Variants in SMPD2 observed in about 807,000 individuals in gnomAD.
SMPD2 encodes the protein N-SMase.
In SMPD2, 35 loss-of-function variants were observed where a neutral mutation model predicts 41.7. That is an observed-to-expected ratio of 0.84 (90% confidence interval 0.64 to 1.11). SMPD2 has a LOEUF of 1.11. Ranked by LOEUF, SMPD2 falls within the 50% of genes most tolerant of loss-of-function variation. The pLI, the probability that SMPD2 is intolerant of heterozygous loss-of-function variation, is 0.00. For synonymous variants in SMPD2, 201 were observed against 208.2 expected, an observed-to-expected ratio of 0.97 and a Z score of 0.30; for missense variants, 520 against 524.8, an observed-to-expected ratio of 0.99 and a Z score of 0.09.
Position 109,441,473 on chromosome 6 carries a change from T to A in SMPD2, c.147+20T>A. ...GAGGAGGTGAGATTGTGCAGCACGG[T>A]GCGGAACCCAGGCTGGGAGGAGGGA... On this transcript the variant is annotated intron_variant, in intron 2 of 9. Coordinates refer to ENST00000258052, the MANE Select transcript of SMPD2 (RefSeq NM_003080.3). 1.9e-6 allele frequency: 3 copies of A among 1,612,666 alleles called. No homozygotes were observed. Among genetic ancestry groups the A allele is most frequent in the Non-Finnish European group, 2.5e-6 (3 of 1,178,698 alleles).
chr6:109,441,711 C>A, intron 3 of SMPD2, 83 bp downstream of exon 3: 1 of 1,202,886 alleles, frequency 8.3e-7, no homozygotes, highest in Non-Finnish European at 1.2e-6. Context: ...TGCCTGCACT[C>A]TCCAGTCTCC....
At position 109,443,630 on chromosome 6, in the gene SMPD2, C is replaced by T. The variant is rs1775055658; in HGVS notation, c.997C>T (p.Leu333=). ...WATFASYVIG[L]GLLLLALLCV... ...CACCTTCGCTAGCTATGTGATTGGC[C>T]TGGGGCTGCTTCTCCTGGCACTGCT... Residue 333 remains leucine (L), a synonymous_variant, in exon 10 of 10, where the codon CTG becomes TTG. Coordinates refer to ENST00000258052, the MANE Select transcript of SMPD2 (RefSeq NM_003080.3). The T allele has an allele frequency of 1.2e-6, 2 of 1,613,822 alleles. No individual in the cohort carries two copies. The highest frequency in any genetic ancestry group is 1.7e-6 in the Non-Finnish European group (2 of 1,179,952).
chr6:109,442,356 G>C (rs1165210853), intron 5 of SMPD2, 57 bp downstream of exon 5: 2 of 1,530,420 alleles, frequency 1.3e-6, no homozygotes, highest in Non-Finnish European at 1.8e-6. Context: ...CTGGGACAGA[G>C]AGATGGTACT....
At position 109,442,191 on chromosome 6, in the gene SMPD2, T is replaced by C. The variant is rs571906549; in HGVS notation, c.319-19T>C. 3.1e-6 allele frequency: 5 copies of C among 1,613,460 alleles called. No individual in the cohort carries two copies. In the South Asian group the frequency reaches 3.3e-5, roughly 11 times the overall value. ...AGATGGTGGCGGTGCCCTGAGTTTC[T>C]ATCTCCTCCTGCCTGCAGATCCATC... On this transcript the variant is annotated intron_variant, in intron 4 of 9. Coordinates refer to ENST00000258052, the MANE Select transcript of SMPD2 (RefSeq NM_003080.3).
intron 3 of SMPD2, 76 bp downstream of exon 3, chr6:109,441,704 C>T (rs2115314691): frequency 1.5e-6 from 2 of 1,336,948 alleles, no homozygotes; most frequent in Non-Finnish European, 2.2e-6. Flanking sequence ...CCTATCCTGC[C>T]TGCACTCTCC....
chr6:109,443,262 C>T lies in SMPD2; in HGVS notation c.730-5C>T. On this transcript the variant is annotated splice_polypyrimidine_tract_variant and splice_region_variant and intron_variant, in intron 8 of 9. Coordinates refer to ENST00000258052, the MANE Select transcript of SMPD2 (RefSeq NM_003080.3). ...AAGCTTCTCTCTGGCCCTTACTTTT[C>T]CTAGGCAGTTTCTGGGTTTTACATC... is the stretch of plus-strand genomic sequence containing the variant. The T allele has an allele frequency of 6.2e-7, 1 of 1,614,030 alleles. No individual in the cohort carries two copies. Among genetic ancestry groups the T allele is most frequent in the Non-Finnish European group, 8.5e-7 (1 of 1,179,944 alleles).
intron 1 of SMPD2, 81 bp downstream of exon 1, chr6:109,441,252 C>A: frequency 1.3e-6 from 2 of 1,593,292 alleles, no homozygotes; most frequent in Non-Finnish European, 1.7e-6. Context: ...TCCCGCCCCA[C>A]GATCTCAGGG....
Position 109,441,087 on chromosome 6 carries a change from T to G in SMPD2, c.-35T>G. ...CCCCACCGCGGCCGTCGCTGGAGAG[T>G]TCGAGCCGCCTAGCGCCCCTGGAGC... is the stretch of plus-strand genomic sequence containing the variant. On this transcript the variant is annotated 5_prime_UTR_variant, in exon 1 of 10. Transcript: ENST00000258052. 1 of 1,612,920 alleles carries G rather than the reference T, an allele frequency of 6.2e-7. No homozygotes were observed. The highest frequency in any genetic ancestry group is 8.5e-7 in the Non-Finnish European group (1 of 1,179,182).
chr6:109,441,697 A>C (rs1239513053), intron 3 of SMPD2, 69 bp downstream of exon 3: 9 of 1,401,594 alleles, frequency 6.4e-6, no homozygotes, highest in Non-Finnish European at 9.1e-6. Context: ...GCCCTTCCCT[A>C]TCCTGCCTGC....
chr6:109,441,857 A>T, intron 3 of SMPD2, 117 bp from the exon 4 acceptor site: 1 of 1,019,270 alleles, frequency 9.8e-7, no homozygotes, highest in Non-Finnish European at 1.5e-6. Flanking sequence ...TTCTAGGGCT[A>T]GTCCCAGCAG....
At position 109,443,603 on chromosome 6, in the gene SMPD2, G is replaced by T; in HGVS notation, c.970G>T (p.Ala324Ser). Reference protein sequence around the residue: ...GLGMAQARWWATFASYVIGLG... With the variant: ...GLGMAQARWWSTFASYVIGLG... ...GGGCATGGCTCAGGCTCGCTGGTGG[G>T]CCACCTTCGCTAGCTATGTGATTGG... Residue 324 changes from alanine (A) to serine (S), a missense_variant, in exon 10 of 10, where the codon GCC (alanine) becomes TCC (serine). By Grantham distance (99) the Ala-to-Ser change is moderately conservative (BLOSUM62 1). Transcript: ENST00000258052. 2 of 1,613,824 alleles carry T rather than the reference G, an allele frequency of 1.2e-6. No homozygotes were observed. The highest frequency in any genetic ancestry group is 1.7e-6 in the Non-Finnish European group (2 of 1,179,998).
chr6:109,442,820 G>A lies in SMPD2; in HGVS notation c.560G>A (p.Gly187Asp), dbSNP rs763882960. The A allele has an allele frequency of 1.2e-6, 2 of 1,614,182 alleles. No individual in the cohort carries two copies. The highest frequency in any genetic ancestry group is 1.7e-6 in the Non-Finnish European group (2 of 1,180,040). Reference protein sequence around the residue: ...GDLNMHPEDLGCCLLKEWTGL... With the variant: ...GDLNMHPEDLDCCLLKEWTGL... ...CTCAACATGCACCCAGAAGACCTGG[G>A]CTGCTGCCTGCTGAAGGAGTGGACA... Residue 187 changes from glycine to aspartate, a missense_variant, in exon 7 of 10, where the codon GGC becomes GAC. Gly to Asp is a moderately conservative substitution (Grantham distance 94). Transcript: ENST00000258052.
rs1450502647 is a variant in SMPD2, at chr6:109,441,416, T to G, written c.110T>G (p.Leu37Arg). Residue 37 changes from leucine (L) to arginine (R), a missense_variant, in exon 2 of 10, where the codon CTG becomes CGG. By Grantham distance (102) the Leu-to-Arg change is moderately radical (BLOSUM62 -2). Transcript: ENST00000258052. ...ADRMRRLGDF[L>R]NQESFDLALL... ...CGCATGAGGCGCCTGGGAGACTTTC[T>G]GAACCAGGAGAGCTTCGACCTGGCT... 1 of 1,614,098 alleles carries G rather than the reference T, an allele frequency of 6.2e-7. No homozygotes were observed. Among genetic ancestry groups the G allele is most frequent in the Non-Finnish European group, 8.5e-7 (1 of 1,180,036 alleles).
In SMPD2 at chr6:109,442,831, C is replaced by A; in HGVS notation, c.571C>A (p.Leu191Met). 6.2e-7 allele frequency: 1 copy of A among 1,614,144 alleles called. No individual in the cohort carries two copies. Among genetic ancestry groups the A allele is most frequent in the Non-Finnish European group, 8.5e-7 (1 of 1,180,024 alleles). The change falls in exon 7 of 10, where the codon CTG (leucine) becomes ATG (methionine). Residue 191 changes from leucine to methionine, a missense_variant. Physicochemically the swap from Leu to Met is conservative, Grantham distance 15. Transcript: ENST00000258052. ...MHPEDLGCCL[L>M]KEWTGLHDAY... The stretch of plus-strand genomic sequence containing the variant: ...CCCAGAAGACCTGGGCTGCTGCCTG[C>A]TGAAGGAGTGGACAGGGCTTCATGA...
chr6:109,443,460 T>G lies in SMPD2; in HGVS notation c.883+40T>G, dbSNP rs904052878. 1.9e-6 allele frequency: 3 copies of G among 1,610,800 alleles called. No individual in the cohort carries two copies. In the African/African-American group the frequency reaches 4.0e-5, roughly 22 times the overall value. ...CCCTTTCCTTGGCCCTTGCCCCGCT[T>G]GAAGCAGCCCTTCCACTCTTGACTC... On this transcript the variant is annotated intron_variant, in intron 9 of 9. Coordinates refer to ENST00000258052, the MANE Select transcript of SMPD2 (RefSeq NM_003080.3).
intron 3 of SMPD2, 50 bp from the exon 4 acceptor site, chr6:109,441,924 T>A (rs1774912496): frequency 6.6e-7 from 1 of 1,507,504 alleles, no homozygotes; most frequent in East Asian, 2.3e-5. Flanking sequence ...GGAAGAAGGC[T>A]GGGTGTCTCT....
chr6:109,441,905 C>T lies in SMPD2; in HGVS notation c.225-69C>T, dbSNP rs1649079417. 2.8e-5 allele frequency: 38 copies of T among 1,376,412 alleles called. No homozygotes were observed. In the South Asian group the frequency reaches 4.2e-4, roughly 15 times the overall value. 85.3% of individuals were successfully genotyped at this position (1,376,412 alleles called of 1,614,324 possible). A position where few individuals can be genotyped will look rare whatever the true frequency, so the allele number is the denominator to read the frequency against. On this transcript the variant is annotated intron_variant, in intron 3 of 9. Coordinates refer to ENST00000258052, the MANE Select transcript of SMPD2 (RefSeq NM_003080.3). Reference sequence around the variant, plus strand: ...AAAATAGCTGATCAGAGCTGGAAGACAAGGGAGGGGAAGAAGGCTGGGTGT... The same window carrying T: ...AAAATAGCTGATCAGAGCTGGAAGATAAGGGAGGGGAAGAAGGCTGGGTGT...
rs759470361 is a variant in SMPD2 at position 109,443,733 on chromosome 6, G to A, written c.1100G>A (p.Trp367Ter). 6.2e-7 allele frequency: 1 copy of A among 1,613,984 alleles called. No individual in the cohort carries two copies. The highest frequency in any genetic ancestry group is 1.3e-5 in the African/African-American group (1 of 74,920). ...LWTPSVGLVL[W>*]AGAFYLFHVQ... ...ACCCCCAGTGTAGGGCTGGTGCTGT[G>A]GGCAGGTGCATTCTACCTCTTCCAC... Residue 367 changes from tryptophan (W) to a stop codon, truncating the protein, a stop_gained, in exon 10 of 10, where the codon TGG becomes TAG. Coordinates refer to ENST00000258052, the MANE Select transcript of SMPD2 (RefSeq NM_003080.3). LOFTEE classifies it low-confidence loss of function (END_TRUNC).
rs1775071088 is a variant in SMPD2 at position 109,443,782 on chromosome 6, T to C, written c.1149T>C (p.Tyr383=). 3.7e-6 allele frequency: 6 copies of C among 1,614,142 alleles called. No homozygotes were observed. The highest frequency in any genetic ancestry group is 1.7e-5 in the Admixed American group (1 of 60,024). The part of the protein sequence containing the change: ...LFHVQEVNGL[Y]RAQAELQHVL... The stretch of plus-strand genomic sequence containing the variant: ...ACGTACAGGAGGTCAATGGCTTATA[T>C]AGGGCCCAGGCTGAGCTCCAGCATG... Residue 383 remains tyrosine, a synonymous_variant, in exon 10 of 10, where the codon TAT becomes TAC. Transcript: ENST00000258052.
Sources: gnomAD v4.1 joint callset for allele counts on GRCh38, gnomAD v4.1.1 for gene constraint, MANE v1.5 for transcripts, NCBI Gene and HGNC (gene_info 2026-07-23, HGNC 2026-07-21) for gene names.